IRAK4: variants seen among roughly 807,000 people sequenced by gnomAD.
IRAK4 encodes interleukin-1 receptor-associated kinase 4.
A neutral mutation model predicts 51.8 loss-of-function variants in IRAK4; 44 were observed. The ratio of observed to expected loss-of-function variants is 0.85; its 90% CI spans 0.67 to 1.09. The LOEUF (loss-of-function observed/expected upper bound fraction) is 1.09. Ranked by LOEUF, IRAK4 falls within the 50% of genes least tolerant of loss-of-function variation. The pLI, the probability that IRAK4 is intolerant of heterozygous loss-of-function variation, is 0.00. For synonymous variants in IRAK4, 149 were observed against 174.1 expected (o/e 0.86, Z 1.13); for missense variants, 487 against 538.0 (o/e 0.91, Z 0.94).
At position 43,785,640 on chromosome 12, in the gene IRAK4, A is replaced by T. The variant is rs559539829; in HGVS notation, c.1189-759A>T. Among the ~76,000 whole-genome samples, 35 of 140,588 alleles carry T rather than the reference A, an allele frequency of 2.5e-4. No homozygotes were observed. In the East Asian group the frequency reaches 2.8e-3, roughly 11 times the overall value. The allele number at this position is 140,588 out of a possible 152,430, so 92.2% of individuals were successfully genotyped here. On this transcript the variant is annotated intron_variant, in intron 10 of 11. Transcript: ENST00000613694. ...TATATGTGTGTATATATATATATTT[A>T]TATATATATATATACACATACCCAG...
chr12:43,762,952 A>G (rs1236033017), intron 1 of IRAK4, among the ~76,000 whole-genome samples: 1 of 152,112 alleles, frequency 6.6e-6, no homozygotes. Context: ...CTCTCTATTC[A>G]AGGCTGATTT....
intron 1 of IRAK4, among the ~76,000 whole-genome samples, chr12:43,763,002 C>A (rs1240189916): frequency 3.3e-5 from 5 of 152,134 alleles, no homozygotes; most frequent in Non-Finnish European, 5.9e-5. Flanking sequence ...TTTGTATTGC[C>A]AAACAGCTTA....
intron 10 of IRAK4, among the ~76,000 whole-genome samples, chr12:43,786,102 C>T (rs1365441340): frequency 6.7e-6 from 1 of 149,150 alleles, no homozygotes; most frequent in Non-Finnish European, 1.5e-5. Flanking sequence ...GGCGTGATCT[C>T]GGCTCAGTGC....
intron 1 of IRAK4, among the ~76,000 whole-genome samples, chr12:43,764,006 A>G (rs1290985841): frequency 6.6e-6 from 1 of 152,040 alleles, no homozygotes; most frequent in Admixed American, 6.5e-5. Context: ...ATTCCTTTCC[A>G]TTCTAAGCAT....
At chr12:43,766,747 G>C (rs1432592387) in intron 1 of IRAK4, among the ~76,000 whole-genome samples, 1 of 152,026 alleles carries the variant, frequency 6.6e-6, no homozygotes, top group African/African-American at 2.4e-5. Flanking sequence ...AACTGTACTG[G>C]GAAATAATTT....
Position 43,777,744 on chromosome 12 carries a change from G to T in IRAK4, c.831G>T (p.Leu277Phe). The stretch of plus-strand genomic sequence containing the variant: ...CATTGCTAGACAGACTCTCTTGCTT[G>T]GTAAGCTATTTGTTCATCAGATTGT... ...NGSLLDRLSC[L>F]DGTPPLSWHM... The change falls in exon 7 of 12, where the codon TTG (leucine) becomes TTT (phenylalanine). Residue 277 changes from leucine to phenylalanine, a missense_variant and splice_region_variant. Coordinates refer to ENST00000613694, the MANE Select transcript of IRAK4 (RefSeq NM_016123.4). 6.2e-7 allele frequency: 1 copy of T among 1,604,114 alleles called. No homozygotes were observed. The highest frequency in any genetic ancestry group is 8.5e-7 in the Non-Finnish European group (1 of 1,171,362).
chr12:43,775,874 CTTTTTTTTTTT>C (rs770553873), intron 6 of IRAK4, among the ~76,000 whole-genome samples: 2 of 90,530 alleles, frequency 2.2e-5, no homozygotes, highest in African/African-American at 1.0e-4. Flanking sequence ...AATATCATTA[CTTTTTTTTTTT>C]TTTTTTTTTT....
chr12:43,772,811 C>A, intron 4 of IRAK4, 101 bp from the exon 5 acceptor site: 1 of 854,304 alleles, frequency 1.2e-6, no homozygotes, highest in South Asian at 1.7e-5. Flanking sequence ...AATTCAAAAT[C>A]ATAAATATTT....
chr12:43,786,331 T>C (rs2138084802), intron 10 of IRAK4, 68 bp from the exon 11 acceptor site: 1 of 943,388 alleles, frequency 1.1e-6, no homozygotes, highest in East Asian at 3.1e-5. Flanking sequence ...TTTAAATAAT[T>C]AAAATATATA....
intron 2 of IRAK4, 25 bp from the exon 3 acceptor site, chr12:43,771,195 T>A (rs1386394987): frequency 3.1e-6 from 5 of 1,598,500 alleles, no homozygotes; most frequent in Admixed American, 1.7e-5. Flanking sequence ...AGACTAATTT[T>A]GTTTCTTTGT....
intron 3 of IRAK4, among the ~76,000 whole-genome samples, 196 bp downstream of exon 3, chr12:43,771,561 A>T (rs1433794418): frequency 6.6e-6 from 1 of 152,236 alleles, no homozygotes; most frequent in Admixed American, 6.5e-5. Context: ...TGCTAAGGTG[A>T]TAGAAGCTTC....
At position 43,764,665 on chromosome 12, in the gene IRAK4, A is replaced by C. The variant is rs4251443; in HGVS notation, c.-9-3438A>C. Reference sequence around the variant, plus strand: ...GAGACAAATCAGGACTGTAAGGTGGATGCCTAATGATTTCCAGTTGAAACT... The same window carrying C: ...GAGACAAATCAGGACTGTAAGGTGGCTGCCTAATGATTTCCAGTTGAAACT... On this transcript the variant is annotated intron_variant, in intron 1 of 11. Transcript: ENST00000613694. 8.4e-4 allele frequency among the ~76,000 whole-genome samples: 128 copies of C among 152,302 alleles called. 1 individual carries two copies. In the Middle Eastern group the frequency reaches 0.014, roughly 16 times the overall value.
Position 43,787,586 on chromosome 12 carries a change from T to C in IRAK4, c.*871T>C, listed in dbSNP as rs1333823695. On this transcript the variant is annotated 3_prime_UTR_variant, in exon 12 of 12. Transcript: ENST00000613694. ...CAGGAAAAAAAAATTGGGACCTCAG[T>C]TGCAACCACAAGGAACTGAATTCTG... 1 of 152,200 alleles carries C rather than the reference T, an allele frequency of 6.6e-6. No homozygotes were observed. Among genetic ancestry groups the C allele is most frequent in the Non-Finnish European group, 1.5e-5 (1 of 68,050 alleles). 9.4% of individuals were successfully genotyped at this position (152,200 alleles called of 1,614,324 possible).
chr12:43,774,304 G>T (rs1394191523), intron 6 of IRAK4, among the ~76,000 whole-genome samples: 2 of 152,118 alleles, frequency 1.3e-5, no homozygotes, highest in African/African-American at 2.4e-5. Context: ...GAGTGCAGTG[G>T]CATGATCTCG....
intron 2 of IRAK4, among the ~76,000 whole-genome samples, chr12:43,769,964 C>G (rs995809056): frequency 5.9e-5 from 9 of 152,142 alleles, no homozygotes; most frequent in Non-Finnish European, 1.2e-4. Flanking sequence ...CACCCACAGA[C>G]ACAGATTGAA....
In IRAK4 at chr12:43,782,295, C is replaced by G; in HGVS notation, c.942-12C>G. On this transcript the variant is annotated splice_polypyrimidine_tract_variant and intron_variant, in intron 8 of 11. Coordinates refer to ENST00000613694, the MANE Select transcript of IRAK4 (RefSeq NM_016123.4). ...AAAACATTTTTTTCTTCAAACTTTA[C>G]ATTTTTTTCAGTGCAAATATCTTAC... 1 of 1,602,406 alleles carries G rather than the reference C, an allele frequency of 6.2e-7. No homozygotes were observed. The highest frequency in any genetic ancestry group is 8.6e-7 in the Non-Finnish European group (1 of 1,169,486).
intron 1 of IRAK4, among the ~76,000 whole-genome samples, chr12:43,767,439 G>A (rs1940271224): frequency 6.6e-6 from 1 of 152,164 alleles, no homozygotes; most frequent in Admixed American, 6.5e-5. Context: ...GAAGTAAAGG[G>A]GGATTGCAGA....
intron 1 of IRAK4, chr12:43,759,711 A>G (rs1329357494): frequency 1.3e-5 from 2 of 152,188 alleles, no homozygotes; most frequent in African/African-American, 4.8e-5. Flanking sequence ...CTCTACTAAG[A>G]TACAAAATTT....
In IRAK4 at chr12:43,782,503, T is replaced by A. The variant is rs779508177; in HGVS notation, c.1125+13T>A. 1.3e-6 allele frequency: 2 copies of A among 1,584,278 alleles called. No individual in the cohort carries two copies. Among genetic ancestry groups the A allele is most frequent in the South Asian group, 2.2e-5 (2 of 89,926 alleles). On this transcript the variant is annotated intron_variant, in intron 9 of 11. Transcript: ENST00000613694. ...CAGCTTTGGTGTGGTAAGTTCCGTA[T>A]ACATAATTATTAAAAATAATCATTC...
Sources: gnomAD v4.1 joint callset for allele counts (sites outside exome capture counted in the v4.1 genomes callset) on GRCh38, gnomAD v4.1.1 for gene constraint, MANE v1.5 for transcripts, NCBI Gene and HGNC (gene_info 2026-07-23, HGNC 2026-07-21) for gene names.